The following SKIC3 variants were observed in gnomAD, a reference collection of about 807,000 sequenced individuals.
SKIC3 encodes SKI3 subunit of superkiller complex.
At chr5:95,481,415 TC>T in the SKIC3 span, among the ~76,000 whole-genome samples, 1 of 152,260 alleles carries the variant, frequency 6.6e-6, no homozygotes, top group Middle Eastern at 3.4e-3. Flanking sequence ...TTGTAAGGCC[TC>T]CCCAGCCACA....
chr5:95,503,605 T>C, the SKIC3 span, among the ~76,000 whole-genome samples: 13 of 152,202 alleles, frequency 8.5e-5, no homozygotes, highest in African/African-American at 3.1e-4. Flanking sequence ...ACTCAGCTCA[T>C]AACACTACTA....
chr5:95,478,559 G>T, the SKIC3 span: 5 of 1,392,952 alleles, frequency 3.6e-6, no homozygotes, highest in Non-Finnish European at 5.0e-6. Flanking sequence ...TTAGTTATTG[G>T]TAAGTTCTGT....
At chr5:95,535,580 G>A in the SKIC3 span, among the ~76,000 whole-genome samples, 3 of 151,790 alleles carry the variant, frequency 2.0e-5, no homozygotes, top group African/African-American at 7.3e-5. Context: ...AAAGTGCTGG[G>A]ATTACAGGTG....
At chr5:95,468,779 C>A in the SKIC3 span, among the ~76,000 whole-genome samples, 1 of 151,848 alleles carries the variant, frequency 6.6e-6, no homozygotes, top group South Asian at 2.1e-4. Flanking sequence ...GTTTTGAAGG[C>A]GATAAAAATT....
At chr5:95,484,773 C>T in the SKIC3 span, 415 of 1,614,128 alleles carry the variant, frequency 2.6e-4, 3 homozygotes, top group African/African-American at 4.9e-3. Context: ...GTCTATTAGA[C>T]CAGTGACAGC....
At chr5:95,497,552 C>G in the SKIC3 span, 555 of 1,214,584 alleles carry the variant, frequency 4.6e-4, 2 homozygotes, top group Non-Finnish European at 6.4e-5. Flanking sequence ...GTACAAGCAA[C>G]CAACAATTTA....
At chr5:95,545,301 C>A in the SKIC3 span, among the ~76,000 whole-genome samples, 3 of 152,112 alleles carry the variant, frequency 2.0e-5, no homozygotes, top group African/African-American at 7.2e-5. Flanking sequence ...AATACTATCA[C>A]GTCCTTGCAT....
chr5:95,507,747 C>T, the SKIC3 span, among the ~76,000 whole-genome samples: 3 of 152,124 alleles, frequency 2.0e-5, no homozygotes, highest in Non-Finnish European at 4.4e-5. Context: ...AAACTATACC[C>T]TTATTTAGAT....
chr5:95,485,238 T>C, the SKIC3 span, among the ~76,000 whole-genome samples: 5 of 152,192 alleles, frequency 3.3e-5, no homozygotes, highest in Non-Finnish European at 7.3e-5. Flanking sequence ...TATTCAGCAT[T>C]ATCAAAATTT....
chr5:95,516,432 T>C, the SKIC3 span: 2 of 1,612,874 alleles, frequency 1.2e-6, no homozygotes, highest in Non-Finnish European at 1.7e-6. Flanking sequence ...ACATTTTTTT[T>C]CTTAAAATAG....
At chr5:95,488,700 G>A in the SKIC3 span, among the ~76,000 whole-genome samples, 3 of 152,136 alleles carry the variant, frequency 2.0e-5, no homozygotes, top group Admixed American at 1.3e-4. Flanking sequence ...AAAGAGAACA[G>A]ACAACATTTA....
At chr5:95,523,765 C>G in the SKIC3 span, 1 of 1,613,582 alleles carries the variant, frequency 6.2e-7, no homozygotes. Flanking sequence ...TTTTTATCTC[C>G]CACTACGTCT....
At chr5:95,550,082 T>C in the SKIC3 span, among the ~76,000 whole-genome samples, 1 of 152,000 alleles carries the variant, frequency 6.6e-6, no homozygotes, top group Admixed American at 6.6e-5. Flanking sequence ...CTCAACTGTC[T>C]TTTTTTAAAT....
At chr5:95,524,318 T>A in the SKIC3 span, 1 of 1,207,348 alleles carries the variant, frequency 8.3e-7, no homozygotes, top group Non-Finnish European at 1.1e-6. Context: ...TGAAAACCCA[T>A]ATAACACCAT....
At chr5:95,468,864 G>A in the SKIC3 span, among the ~76,000 whole-genome samples, 1 of 152,202 alleles carries the variant, frequency 6.6e-6, no homozygotes, top group Non-Finnish European at 1.5e-5. Flanking sequence ...CCAACACTGA[G>A]CATGAGCAGA....
At chr5:95,513,572 T>A in the SKIC3 span, 18 of 1,613,510 alleles carry the variant, frequency 1.1e-5, no homozygotes, top group Non-Finnish European at 1.5e-5. Context: ...GATTCTTACA[T>A]GCATATTTAG....
At chr5:95,495,172 T>A in the SKIC3 span, 88 of 679,842 alleles carry the variant, frequency 1.3e-4, 1 homozygote, top group Non-Finnish European at 1.8e-4. Flanking sequence ...CAATTTATTA[T>A]TGTTGTTTGA....
At chr5:95,482,277 C>T in the SKIC3 span, among the ~76,000 whole-genome samples, 1 of 152,128 alleles carries the variant, frequency 6.6e-6, no homozygotes, top group African/African-American at 2.4e-5. Context: ...AGCTTTAAAT[C>T]ATCATTGTAG....
chr5:95,522,430 T>G, the SKIC3 span: 15 of 1,222,230 alleles, frequency 1.2e-5, no homozygotes, highest in Non-Finnish European at 1.7e-5. Flanking sequence ...CTTATAAAAG[T>G]GCTATTTAAA....
Sources: allele counts gnomAD v4.1 joint callset (sites outside exome capture counted in the v4.1 genomes callset), GRCh38; gene constraint gnomAD v4.1.1; transcripts MANE v1.5; gene names NCBI Gene and HGNC (gene_info 2026-07-23, HGNC 2026-07-21).